CDK5RAP3: variants seen among roughly 807,000 people sequenced by gnomAD.
The protein encoded by CDK5RAP3 is CDK5 regulatory subunit-associated protein 3.
A neutral mutation model predicts 73.3 loss-of-function variants in CDK5RAP3; 58 were observed. The observed-to-expected ratio is 0.79, with a 90% CI of 0.64 to 0.98. The LOEUF is 0.98. Among genes scored for constraint, CDK5RAP3 ranks in the 50% least tolerant of loss-of-function variants. The probability of loss-of-function intolerance (pLI) is 0.00; values close to 1 mark genes in which losing one functional copy is unlikely to be tolerated. For missense variants in CDK5RAP3, 525 were observed against 615.8 expected (o/e 0.85, Z 1.56); for synonymous variants, 224 against 247.5 (o/e 0.91, Z 0.89).
Position 47,975,337 on chromosome 17 carries a change from G to A in CDK5RAP3, c.513G>A (p.Thr171=), listed in dbSNP as rs371908146. Reference sequence around the variant, plus strand: ...ACTCCTGCAAGCAGTATGGCATCACGGTGAGCGGCGGCAGCCTCTTCGCAG... The same window carrying A: ...ACTCCTGCAAGCAGTATGGCATCACAGTGAGCGGCGGCAGCCTCTTCGCAG... ...FYHSCKQYGI[T]GENVRGELLA... is the part of the protein sequence containing the mutation. The change falls in exon 6 of 14, where the codon ACG becomes ACA. Residue 171 remains threonine, a splice_region_variant and synonymous_variant. Transcript: ENST00000338399. The A allele has an allele frequency of 2.1e-5, 34 of 1,613,166 alleles. No individual in the cohort carries two copies. Among genetic ancestry groups the A allele is most frequent in the Admixed American group, 1.7e-4 (10 of 60,006 alleles).
At position 47,978,824 on chromosome 17, in the gene CDK5RAP3, GGCA is replaced by G; in HGVS notation, c.989-2_989del. On this transcript the variant is annotated splice_acceptor_variant and splice_polypyrimidine_tract_variant and intron_variant, in intron 10 of 13. Transcript: ENST00000338399. LOFTEE classifies it high-confidence loss of function. The stretch of plus-strand genomic sequence containing the variant: ...CTTTATCACTTCTCTGTCTCTTCCT[GGCA>G]GCTCCAGAAGGTGTTGCCAGGGGCC... The G allele has an allele frequency of 1.2e-6, 2 of 1,611,866 alleles. No homozygotes were observed. Among genetic ancestry groups the G allele is most frequent in the Non-Finnish European group, 1.7e-6 (2 of 1,178,142 alleles).
In CDK5RAP3 at chr17:47,974,047, G is replaced by A; in HGVS notation, c.285+16G>A. On this transcript the variant is annotated intron_variant, in intron 4 of 13. Transcript: ENST00000338399. ...GCGGATGAAGGCAAGTGTGGGCCAA[G>A]GGCCGGTAGTATGTGGTTGGGGACA... The A allele has an allele frequency of 1.9e-6, 3 of 1,571,032 alleles. No individual in the cohort carries two copies. Among genetic ancestry groups the A allele is most frequent in the Non-Finnish European group, 2.6e-6 (3 of 1,140,640 alleles).
At chr17:47,976,552 C>A (rs2036416140) in intron 8 of CDK5RAP3, 160 bp from the exon 9 acceptor site, 1 of 544,860 alleles carries the variant, frequency 1.8e-6, no homozygotes, top group South Asian at 2.0e-5. Context: ...TTTGTAGGGA[C>A]AGGATTTTGC....
At position 47,981,538 on chromosome 17, in the gene CDK5RAP3, T is replaced by C. The variant is rs375328309; in HGVS notation, c.*36T>C. ...GTTCTTGCCTGCCCATCTTCTCCGC[T>C]TTTGGGATGAAGATGATAGCCAGGG... On this transcript the variant is annotated 3_prime_UTR_variant, in exon 14 of 14. Transcript: ENST00000338399. 223 of 1,614,142 alleles carry C rather than the reference T, an allele frequency of 1.4e-4. No homozygotes were observed. The African/African-American group carries it at 2.6e-3, about 19-fold the overall frequency.
intron 13 of CDK5RAP3, 21 bp from the exon 14 acceptor site, chr17:47,981,416 C>T (rs201853840): frequency 4.3e-5 from 69 of 1,614,094 alleles, no homozygotes; most frequent in Admixed American, 5.0e-5. Flanking sequence ...TGCTTCTGCC[C>T]ACTTGGTATC....
upstream of CDK5RAP3, among the ~76,000 whole-genome samples, chr17:47,969,024 TG>T (rs2144202250): frequency 6.6e-6 from 1 of 152,268 alleles, no homozygotes; most frequent in Non-Finnish European, 1.5e-5. Context: ...TAAACTGTCA[TG>T]AGTTACTAGT....
chr17:47,980,508 C>A, intron 11 of CDK5RAP3, 85 bp from the exon 12 acceptor site: 1 of 1,227,536 alleles, frequency 8.1e-7, no homozygotes, highest in Non-Finnish European at 1.2e-6. Flanking sequence ...CTCAAGCGAT[C>A]CTCCTGCCTT....
chr17:47,978,955 G>A (rs757382000), intron 11 of CDK5RAP3, 38 bp downstream of exon 11: 5 of 1,525,754 alleles, frequency 3.3e-6, no homozygotes, highest in African/African-American at 1.4e-5. Context: ...GGGAGGCATG[G>A]CACCAGCACA....
At chr17:47,974,943 C>G (rs2036362810) in intron 5 of CDK5RAP3, 2 of 1,427,414 alleles carry the variant, frequency 1.4e-6, no homozygotes, top group Admixed American at 2.6e-5. Flanking sequence ...TGGATTCTCT[C>G]TTGCATCTTC....
intron 5 of CDK5RAP3, chr17:47,974,737 T>C (rs2036356147): frequency 1.7e-5 from 23 of 1,323,936 alleles, no homozygotes; most frequent in Non-Finnish European, 2.1e-5. Context: ...GGGAGTGTGC[T>C]GCCCCCACCC....
rs1402540213 is a variant in CDK5RAP3 at position 47,981,761 on chromosome 17, G to A, written c.*259G>A. The A allele has an allele frequency of 6.8e-7, 1 of 1,472,274 alleles. No individual in the cohort carries two copies. Among genetic ancestry groups the A allele is most frequent in the Admixed American group, 2.1e-5 (1 of 47,962 alleles). 91.2% of individuals were successfully genotyped at this position (1,472,274 alleles called of 1,614,324 possible). The stretch of plus-strand genomic sequence containing the variant: ...TAGTATAGCGGACTTAATAAAAGAG[G>A]AAAAAACTCTTGCTTCAGTACTGAC... On this transcript the variant is annotated 3_prime_UTR_variant, in exon 14 of 14. Coordinates refer to ENST00000338399, the MANE Select transcript of CDK5RAP3 (RefSeq NM_176096.3).
rs771622147 is a variant in CDK5RAP3, at chr17:47,981,526, C to T, written c.*24C>T. 11 of 1,614,218 alleles carry T rather than the reference C, an allele frequency of 6.8e-6. No individual in the cohort carries two copies. The highest frequency in any genetic ancestry group is 8.5e-6 in the Non-Finnish European group (10 of 1,180,048). ...GACACCCTCCGTGTTCTTGCCTGCC[C>T]ATCTTCTCCGCTTTTGGGATGAAGA... On this transcript the variant is annotated 3_prime_UTR_variant, in exon 14 of 14. Transcript: ENST00000338399.
At chr17:47,969,487 G>T (rs2036221237), upstream of CDK5RAP3, among the ~76,000 whole-genome samples, 1 of 147,212 alleles carries the variant, frequency 6.8e-6, no homozygotes, top group Non-Finnish European at 1.5e-5. Context: ...AACCCAGGAG[G>T]CAGAGCTTGC....
In CDK5RAP3 at chr17:47,975,578, T is replaced by G. The variant is rs780584998; in HGVS notation, c.578T>G (p.Ile193Ser). ...VKDLPSQLAE[I>S]GAAAQQSLGE... ...GACCTGCCGAGTCAGCTGGCTGAGA[T>G]TGGGGCAGCGGCTCAGCAGTCCCTG... The change falls in exon 7 of 14, where the codon ATT (isoleucine) becomes AGT (serine). Residue 193 changes from isoleucine (I) to serine (S), a missense_variant. Ile to Ser is a moderately radical substitution (Grantham distance 142, BLOSUM62 -2). This residue lies in a region of CDK5RAP3 where 409 missense variants were observed against 429.8 expected (regional missense o/e 0.95). Transcript: ENST00000338399. The G allele has an allele frequency of 6.2e-7, 1 of 1,610,402 alleles. No individual in the cohort carries two copies.
At chr17:47,975,715 C>T in intron 7 of CDK5RAP3, 62 bp downstream of exon 7, 8 of 1,566,732 alleles carry the variant, frequency 5.1e-6, no homozygotes, top group African/African-American at 1.4e-5. Flanking sequence ...GCTCATGACC[C>T]TTCTCCAGTT....
At chr17:47,968,077 G>C (rs1216295725), upstream of CDK5RAP3, 1 of 152,106 alleles carries the variant, frequency 6.6e-6, no homozygotes, top group Non-Finnish European at 1.5e-5. Context: ...ACACCTTGAG[G>C]GCAGGGCAGT....
At chr17:47,970,743 A>G (rs1330984180), upstream of CDK5RAP3, 10 of 1,532,840 alleles carry the variant, frequency 6.5e-6, no homozygotes, top group Admixed American at 1.4e-4. Context: ...ACGGCCTCCC[A>G]GATCGGCGCT....
At chr17:47,980,308 G>T in intron 11 of CDK5RAP3, 5 of 294,212 alleles carry the variant, frequency 1.7e-5, no homozygotes, top group South Asian at 6.5e-5. Flanking sequence ...TTTCTCTGTC[G>T]CCCAGTCTGG....
chr17:47,973,564 T>C lies in CDK5RAP3; in HGVS notation c.98T>C (p.Leu33Pro). ...RRHCSLKWQS[L>P]VLTIREKINA... ...CACTGCAGCCTGAAATGGCAGAGTCTGGTGCTGACGATCCGCGAGAAGATC... is the reference window on the plus strand; with the variant it reads ...CACTGCAGCCTGAAATGGCAGAGTCCGGTGCTGACGATCCGCGAGAAGATC... Residue 33 changes from leucine (L) to proline (P), a missense_variant, in exon 3 of 14, where the codon CTG (leucine) becomes CCG (proline). By Grantham distance (98) the Leu-to-Pro change is moderately conservative. Transcript: ENST00000338399. The C allele has an allele frequency of 6.2e-7, 1 of 1,614,186 alleles. No homozygotes were observed. Among genetic ancestry groups the C allele is most frequent in the Non-Finnish European group, 8.5e-7 (1 of 1,180,024 alleles).
Sources: gnomAD v4.1 joint callset for allele counts (sites outside exome capture counted in the v4.1 genomes callset) on GRCh38, gnomAD v4.1.1 for gene constraint, gnomAD v4.1.1 regional missense constraint, MANE v1.5 for transcripts, NCBI Gene and HGNC (gene_info 2026-07-23, HGNC 2026-07-21) for gene names.